PKHD1: variants seen among roughly 807,000 people sequenced by gnomAD.
The protein encoded by PKHD1 is PKHD1 ciliary IPT domain containing fibrocystin/polyductin.
A neutral mutation model predicts 412.0 loss-of-function variants in PKHD1; 291 were observed. The ratio of observed to expected loss-of-function variants is 0.71; its 90% CI spans 0.64 to 0.78. PKHD1 has a LOEUF of 0.78. PKHD1 is among the 30% of genes least tolerant of loss of function. PKHD1 has a pLI of 0.00. For synonymous variants in PKHD1, 1,777 were observed against 1,821.5 expected (o/e 0.98, Z 0.62); for missense variants, 4,825 against 4,950.7 (o/e 0.97, Z 0.76).
Position 52,010,334 on chromosome 6 carries a change from C to T in PKHD1, c.5726G>A (p.Arg1909Gln), listed in dbSNP as rs765674688. ...CTGAGTGTTCTGGCCCCAGCGTTTC[C>T]GTATCTCAGTAATCTTGACGGTAAT... is the stretch of plus-strand genomic sequence containing the variant. ...QPITVKITEI[R>Q]KRWGQNTQGN... Residue 1909 changes from arginine to glutamine, a missense_variant, in exon 35 of 67, where the codon CGG (arginine) becomes CAG (glutamine). Coordinates refer to ENST00000371117, the MANE Select transcript of PKHD1 (RefSeq NM_138694.4). 8.7e-6 allele frequency: 14 copies of T among 1,613,576 alleles called. No homozygotes were observed. The highest frequency in any genetic ancestry group is 1.6e-4 in the Middle Eastern group (1 of 6,074).
intron 39 of PKHD1, among the ~76,000 whole-genome samples, 185 bp from the exon 40 acceptor site, chr6:51,909,659 C>G (rs1290502557): frequency 6.6e-6 from 1 of 152,058 alleles, no homozygotes; most frequent in African/African-American, 2.4e-5. Context: ...ATCTGATAAA[C>G]AGGACATGAT....
chr6:51,754,773 C>A lies in PKHD1; in HGVS notation c.8797+11G>T. On this transcript the variant is annotated intron_variant, in intron 56 of 66. Transcript: ENST00000371117. The stretch of plus-strand genomic sequence containing the variant: ...CATTCACTTACCTTAACCAACAAAC[C>A]AAAGCCTTACCAATATGCCGGTGTT... 2 of 1,612,710 alleles carry A rather than the reference C, an allele frequency of 1.2e-6. No homozygotes were observed. The highest frequency in any genetic ancestry group is 1.7e-6 in the Non-Finnish European group (2 of 1,178,906).
chr6:51,966,576 A>T (rs999610483), intron 35 of PKHD1, among the ~76,000 whole-genome samples: 2 of 152,254 alleles, frequency 1.3e-5, no homozygotes, highest in East Asian at 1.9e-4. Flanking sequence ...TTAATTAATA[A>T]TAATGGCCAA....
At chr6:51,643,394 TAA>T (rs67717102) in intron 63 of PKHD1, among the ~76,000 whole-genome samples, 3 of 148,604 alleles carry the variant, frequency 2.0e-5, no homozygotes, top group Admixed American at 6.7e-5. Flanking sequence ...ATTAAAAAAA[TAA>T]AAAAAAAAAT....
chr6:51,944,878 T>C lies in PKHD1; in HGVS notation c.5909-10556A>G, dbSNP rs1789216438. Reference sequence around the variant, plus strand: ...ACCACTTGAGCACTGCTAGACCATCTGCATCCAACATCTCTCTGTTACTGG... The same window carrying C: ...ACCACTTGAGCACTGCTAGACCATCCGCATCCAACATCTCTCTGTTACTGG... On this transcript the variant is annotated intron_variant, in intron 36 of 66. Transcript: ENST00000371117. Among the ~76,000 whole-genome samples the C allele has an allele frequency of 2.0e-5, 3 of 152,362 alleles. No homozygotes were observed. In the South Asian group the frequency reaches 6.2e-4, roughly 32 times the overall value.
Position 51,616,455 on chromosome 6 carries a change from A to G in PKHD1, c.*2626T>C, listed in dbSNP as rs1214068485. Reference sequence around the variant, plus strand: ...TAGAGTTGGCCTACAGTGGTGCTCAAATTGGCTCATCTCCAGACATGAATG... The same window carrying G: ...TAGAGTTGGCCTACAGTGGTGCTCAGATTGGCTCATCTCCAGACATGAATG... On this transcript the variant is annotated 3_prime_UTR_variant, in exon 67 of 67. Transcript: ENST00000371117. 1 of 384,668 alleles carries G rather than the reference A, an allele frequency of 2.6e-6. No individual in the cohort carries two copies. Among genetic ancestry groups the G allele is most frequent in the Non-Finnish European group, 4.6e-6 (1 of 217,638 alleles). 23.8% of individuals were successfully genotyped at this position (384,668 alleles called of 1,614,324 possible). A position where few individuals can be genotyped will look rare whatever the true frequency, so the allele number is the denominator to read the frequency against.
intron 55 of PKHD1, among the ~76,000 whole-genome samples, chr6:51,758,011 CA>C (rs1414389441): frequency 2.6e-5 from 1 of 38,254 alleles, no homozygotes; most frequent in African/African-American, 1.0e-4. Flanking sequence ...GAGACCCTGC[CA>C]AAAGAGAGAG....
chr6:51,747,006 T>C, intron 58 of PKHD1, 117 bp from the exon 59 acceptor site: 1 of 672,046 alleles, frequency 1.5e-6, no homozygotes, highest in Non-Finnish European at 2.5e-6. Flanking sequence ...GTTAAAGCTA[T>C]CCAGGATAGC....
intron 31 of PKHD1, 38 bp from the exon 32 acceptor site, chr6:52,026,219 A>G (rs762753111): frequency 1.3e-6 from 2 of 1,581,360 alleles, no homozygotes; most frequent in South Asian, 1.1e-5. Context: ...ATTATAGCTG[A>G]TATTCTGAAC....
chr6:51,848,946 A>G (rs1339498217), intron 49 of PKHD1, among the ~76,000 whole-genome samples: 1 of 149,882 alleles, frequency 6.7e-6, no homozygotes, highest in East Asian at 1.9e-4. Flanking sequence ...TCTGAAAAAA[A>G]AAAAAACAGG....
Position 51,710,909 on chromosome 6 carries a change from C to T in PKHD1, c.10156+33476G>A, listed in dbSNP as rs542567328. Among the ~76,000 whole-genome samples, 4 of 152,274 alleles carry T rather than the reference C, an allele frequency of 2.6e-5. 1 individual carries two copies. The South Asian group carries it at 8.3e-4, about 32-fold the overall frequency. On this transcript the variant is annotated intron_variant, in intron 60 of 66. Coordinates refer to ENST00000371117, the MANE Select transcript of PKHD1 (RefSeq NM_138694.4). ...ATCTTTCTGAGTTGACTATGAACAA[C>T]AATACTATCATAACCATTTCCTTAG...
At chr6:51,949,077 G>A (rs985011304) in intron 36 of PKHD1, among the ~76,000 whole-genome samples, 1 of 152,072 alleles carries the variant, frequency 6.6e-6, no homozygotes, top group Non-Finnish European at 1.5e-5. Context: ...ACCAGGGAGG[G>A]ATCTGAGAAC....
chr6:52,065,967 C>A lies in PKHD1; in HGVS notation c.880+9G>T, dbSNP rs374619722. On this transcript the variant is annotated intron_variant, in intron 12 of 66. Transcript: ENST00000371117. ...TATGAACTATTTTCAGCCATTTCAT[C>A]ATAGTTACCTGCAATGGTAACCTGG... 1.5e-6 allele frequency: 2 copies of A among 1,310,768 alleles called. No individual in the cohort carries two copies. The highest frequency in any genetic ancestry group is 2.2e-6 in the Non-Finnish European group (2 of 903,316). 81.2% of individuals were successfully genotyped at this position (1,310,768 alleles called of 1,614,324 possible). A position where few individuals can be genotyped will look rare whatever the true frequency, so the allele number is the denominator to read the frequency against.
intron 35 of PKHD1, among the ~76,000 whole-genome samples, chr6:51,962,674 A>C (rs1792237832): frequency 6.6e-6 from 1 of 152,112 alleles, no homozygotes; most frequent in African/African-American, 2.4e-5. Flanking sequence ...GGAAGCTCCC[A>C]TCTGAAGTTT....
chr6:51,923,635 T>C (rs1002650422), intron 37 of PKHD1, among the ~76,000 whole-genome samples: 7 of 152,264 alleles, frequency 4.6e-5, no homozygotes, highest in South Asian at 2.1e-4. Context: ...GAGAAAATAT[T>C]TGTAGATTTG....
chr6:51,869,394 C>A (rs1462422798), intron 47 of PKHD1, among the ~76,000 whole-genome samples: 1 of 152,108 alleles, frequency 6.6e-6, no homozygotes, highest in South Asian at 2.1e-4. Flanking sequence ...GTTGAGTCCT[C>A]TATTACTGCG....
chr6:51,741,104 T>G, intron 60 of PKHD1: 1 of 518,872 alleles, frequency 1.9e-6, no homozygotes, highest in South Asian at 1.4e-5. Flanking sequence ...GGTAAAGAAC[T>G]GAGAAAAAGC....
At chr6:51,982,361 A>C (rs1300023729) in intron 35 of PKHD1, among the ~76,000 whole-genome samples, 1 of 110,060 alleles carries the variant, frequency 9.1e-6, no homozygotes, top group East Asian at 2.7e-4. Flanking sequence ...GTTTTGTGGA[A>C]TAGAAAGGCG....
In PKHD1 at chr6:51,616,400, G is replaced by A. The variant is rs1766068330; in HGVS notation, c.*2681C>T. 1 of 333,490 alleles carries A rather than the reference G, an allele frequency of 3.0e-6. No individual in the cohort carries two copies. The highest frequency in any genetic ancestry group is 1.6e-4 in the South Asian group (1 of 6,336). The allele number at this position is 333,490 out of a possible 1,614,324, so 20.7% of individuals were successfully genotyped here. A position where few individuals can be genotyped will look rare whatever the true frequency, so the allele number is the denominator to read the frequency against. ...TGTCACTGCTGGGAAATATTTGCTGGGTTACCCATGTTAACGATCTGAATA... is the reference window on the plus strand; with the variant it reads ...TGTCACTGCTGGGAAATATTTGCTGAGTTACCCATGTTAACGATCTGAATA... On this transcript the variant is annotated 3_prime_UTR_variant, in exon 67 of 67. Coordinates refer to ENST00000371117, the MANE Select transcript of PKHD1 (RefSeq NM_138694.4).
Sources: gnomAD v4.1 joint callset for allele counts (sites outside exome capture counted in the v4.1 genomes callset) on GRCh38, gnomAD v4.1.1 for gene constraint, MANE v1.5 for transcripts, NCBI Gene and HGNC (gene_info 2026-07-23, HGNC 2026-07-21) for gene names.